MAGI2: variants seen among roughly 807,000 people sequenced by gnomAD.
MAGI2 encodes the protein membrane-associated guanylate kinase, WW and PDZ domain-containing protein 2.
MAGI2 carries 35 observed loss-of-function variants against 133.3 expected under a neutral mutation model. The ratio of observed to expected loss-of-function variants is 0.26; its 90% CI spans 0.20 to 0.35. The LOEUF is 0.35. Among genes scored for constraint, MAGI2 ranks in the 10% least tolerant of loss-of-function variants. The pLI is 1.00. For synonymous variants in MAGI2, 729 were observed against 710.6 expected (o/e 1.03, Z -0.41); for missense variants, 1,636 against 1,863.4 (o/e 0.88, Z 2.25).
chr7:79,063,490 C>A (rs1278611094), intron 1 of MAGI2, among the ~76,000 whole-genome samples: 1 of 152,080 alleles, frequency 6.6e-6, no homozygotes, highest in Non-Finnish European at 1.5e-5. Flanking sequence ...AAAATCCTAA[C>A]ACCCCTAGTG....
chr7:78,986,146 C>T (rs1291277542), intron 2 of MAGI2, among the ~76,000 whole-genome samples: 1 of 152,048 alleles, frequency 6.6e-6, no homozygotes, highest in Non-Finnish European at 1.5e-5. Flanking sequence ...TAGCACTTAG[C>T]TGACATTTTT....
At chr7:78,053,196 G>T (rs1812197766) in intron 21 of MAGI2, among the ~76,000 whole-genome samples, 1 of 152,196 alleles carries the variant, frequency 6.6e-6, no homozygotes. Flanking sequence ...CATCATTTGA[G>T]AACTAACGCT....
intron 3 of MAGI2, among the ~76,000 whole-genome samples, chr7:78,594,531 C>T (rs1168858761): frequency 6.6e-6 from 1 of 152,108 alleles, no homozygotes; most frequent in South Asian, 2.1e-4. Flanking sequence ...GATCTTGGCT[C>T]ACTGCAAACT....
At chr7:78,243,224 T>TACACACACACAC (rs539437959) in intron 10 of MAGI2, among the ~76,000 whole-genome samples, 1 of 140,720 alleles carries the variant, frequency 7.1e-6, no homozygotes, top group Admixed American at 7.1e-5. Context: ...ATGGTTCAGA[T>TACACACACACAC]ACACACACAC....
At chr7:79,382,947 T>C (rs1241734763) in intron 1 of MAGI2, among the ~76,000 whole-genome samples, 1 of 151,598 alleles carries the variant, frequency 6.6e-6, no homozygotes, top group Non-Finnish European at 1.5e-5. Flanking sequence ...CTAACCATCT[T>C]TAGCAACAAT....
At chr7:78,412,979 T>C (rs969380369) in intron 6 of MAGI2, among the ~76,000 whole-genome samples, 2 of 152,060 alleles carry the variant, frequency 1.3e-5, no homozygotes, top group African/African-American at 2.4e-5. Flanking sequence ...CTGAAAGCCT[T>C]CTCAACAAAT....
At chr7:78,484,805 G>A (rs1792804980) in intron 6 of MAGI2, 1 of 151,950 alleles carries the variant, frequency 6.6e-6, no homozygotes, top group Non-Finnish European at 1.5e-5. Context: ...ACATGTGAAG[G>A]TAAATCTGCA....
At chr7:78,809,278 G>A (rs1046623182) in intron 2 of MAGI2, among the ~76,000 whole-genome samples, 4 of 152,152 alleles carry the variant, frequency 2.6e-5, no homozygotes, top group South Asian at 2.1e-4. Context: ...ATAGATGATC[G>A]GTTTCAAGAT....
intron 1 of MAGI2, among the ~76,000 whole-genome samples, chr7:79,068,994 T>C (rs534342176): frequency 6.6e-6 from 1 of 151,582 alleles, no homozygotes; most frequent in African/African-American, 2.4e-5. Context: ...TGGCTGAGTT[T>C]TTTTTTTTTT....
intron 3 of MAGI2, among the ~76,000 whole-genome samples, chr7:78,601,765 A>G (rs1805234585): frequency 6.6e-6 from 1 of 152,232 alleles, no homozygotes; most frequent in African/African-American, 2.4e-5. Context: ...TATGAGACAT[A>G]GTAACAGATT....
At chr7:79,059,274 A>T (rs1813484288) in intron 1 of MAGI2, among the ~76,000 whole-genome samples, 1 of 152,090 alleles carries the variant, frequency 6.6e-6, no homozygotes, top group Non-Finnish European at 1.5e-5. Context: ...CTGGGCTACA[A>T]TCCCATGGGT....
chr7:79,348,538 T>A (rs1057500768), intron 1 of MAGI2, among the ~76,000 whole-genome samples: 1 of 151,948 alleles, frequency 6.6e-6, no homozygotes, highest in Non-Finnish European at 1.5e-5. Context: ...AATTTCAGTG[T>A]CCCCAGTAAC....
intron 9 of MAGI2, among the ~76,000 whole-genome samples, chr7:78,315,035 T>C (rs958465266): frequency 3.9e-5 from 6 of 152,174 alleles, no homozygotes; most frequent in Admixed American, 3.9e-4. Flanking sequence ...AATTTTGTGG[T>C]TCACAACTGT....
intron 20 of MAGI2, among the ~76,000 whole-genome samples, chr7:78,104,178 G>A (rs1269664943): frequency 6.6e-6 from 1 of 152,132 alleles, no homozygotes; most frequent in African/African-American, 2.4e-5. Flanking sequence ...GTGAGGAATG[G>A]AGCAGGGGAG....
intron 2 of MAGI2, among the ~76,000 whole-genome samples, chr7:78,756,120 A>G (rs184805058): frequency 1.5e-3 from 232 of 152,226 alleles, no homozygotes; most frequent in Middle Eastern, 6.8e-3. Context: ...AACAAGATAT[A>G]TATCAGGTGG....
At chr7:78,387,863 T>A (rs937117279) in intron 6 of MAGI2, among the ~76,000 whole-genome samples, 5 of 151,710 alleles carry the variant, frequency 3.3e-5, no homozygotes, top group Non-Finnish European at 2.9e-5. Context: ...GAGGCGGAGG[T>A]TGCAGTGATC....
intron 8 of MAGI2, 31 bp downstream of exon 8, chr7:78,345,891 T>C (rs781162991): frequency 6.2e-7 from 1 of 1,607,582 alleles, no homozygotes; most frequent in Non-Finnish European, 8.5e-7. Flanking sequence ...AATTTTCCCT[T>C]TGAAACATCA....
rs1444151252 is a variant in MAGI2, at chr7:78,019,296, T to C, written c.*19A>G. The C allele has an allele frequency of 6.4e-7, 1 of 1,573,398 alleles. No homozygotes were observed. The highest frequency in any genetic ancestry group is 1.1e-5 in the South Asian group (1 of 87,170). On this transcript the variant is annotated 3_prime_UTR_variant, in exon 22 of 22. Coordinates refer to ENST00000354212, the MANE Select transcript of MAGI2 (RefSeq NM_012301.4). ...AACTGCCTGCGCCGGGGCGGGCGGG[T>C]TGGCCGTGGCCGCGCGGCTCATCTG... is the stretch of plus-strand genomic sequence containing the variant.
chr7:78,641,128 T>C (rs1344044686), intron 2 of MAGI2, among the ~76,000 whole-genome samples: 3 of 152,162 alleles, frequency 2.0e-5, no homozygotes, highest in Non-Finnish European at 4.4e-5. Context: ...TGATTGTAAG[T>C]TTCCTGAGGC....
Sources: allele counts gnomAD v4.1 joint callset (sites outside exome capture counted in the v4.1 genomes callset), GRCh38; gene constraint gnomAD v4.1.1; transcripts MANE v1.5; gene names NCBI Gene and HGNC (gene_info 2026-07-23, HGNC 2026-07-21).